RPS6KA6: variants seen among roughly 807,000 people sequenced by gnomAD.
The protein encoded by RPS6KA6 is ribosomal protein S6 kinase A6.
A neutral mutation model predicts 65.4 loss-of-function variants in RPS6KA6; 27 were observed. That is an observed-to-expected ratio of 0.41 (90% CI 0.30 to 0.57). RPS6KA6 has a LOEUF of 0.57. RPS6KA6 is among the 20% of genes least tolerant of loss of function. RPS6KA6 has a pLI of 0.24. For synonymous variants in RPS6KA6, 190 were observed against 184.2 expected, an observed-to-expected ratio of 1.03 and a Z score of -0.26; for missense variants, 486 against 555.6, an observed-to-expected ratio of 0.87 and a Z score of 1.26.
intron 20 of RPS6KA6, among the ~76,000 whole-genome samples, chrX:84,075,986 G>A (rs1465649335): frequency 8.9e-6 from 1 of 111,850 alleles, no homozygotes; most frequent in Admixed American, 9.5e-5. Flanking sequence ...ATAGACATCA[G>A]TATAGATTAC....
chrX:84,082,719 A>T (rs1371386662), intron 20 of RPS6KA6, among the ~76,000 whole-genome samples: 2 of 111,847 alleles, frequency 1.8e-5, no homozygotes, highest in Non-Finnish European at 3.8e-5. Context: ...ACAGTAACCA[A>T]AACAGCATGG....
In RPS6KA6 at chrX:84,116,383, T is replaced by G. The variant is rs184348942; in HGVS notation, c.950-96A>C. 5 of 388,627 alleles carry G rather than the reference T, an allele frequency of 1.3e-5. No individual in the cohort carries two copies. The African/African-American group carries it at 1.3e-4, about 10-fold the overall frequency. 32.0% of individuals were successfully genotyped at this position (388,627 alleles called of 1,213,427 possible). On this transcript the variant is annotated intron_variant, in intron 11 of 21. Transcript: ENST00000262752. ...TATCTGTAAACAGGAATACACATAT[T>G]TCATACATTCCTTGAAAAGAAAAAT...
chrX:84,141,586 T>C (rs1009588261), intron 6 of RPS6KA6, among the ~76,000 whole-genome samples: 2 of 110,828 alleles, frequency 1.8e-5, no homozygotes, highest in Non-Finnish European at 3.8e-5. Context: ...GACTCTCAGA[T>C]TGGATTAAAA....
Position 84,102,213 on chromosome X carries a change from A to C in RPS6KA6, c.1615-15T>G. 1 of 926,610 alleles carries C rather than the reference A, an allele frequency of 1.1e-6. No homozygotes were observed. The highest frequency in any genetic ancestry group is 1.4e-6 in the Non-Finnish European group (1 of 690,372). 76.4% of individuals were successfully genotyped at this position (926,610 alleles called of 1,213,427 possible). On this transcript the variant is annotated splice_polypyrimidine_tract_variant and intron_variant, in intron 17 of 21. Coordinates refer to ENST00000262752, the MANE Select transcript of RPS6KA6 (RefSeq NM_014496.5). ...CGATGAACAACCTTGAATATAAAGG[A>C]AAAAAGCATTATATCTATATAATTA... is the stretch of plus-strand genomic sequence containing the variant.
chrX:84,103,857 C>A (rs2034304283), intron 17 of RPS6KA6, among the ~76,000 whole-genome samples: 1 of 110,924 alleles, frequency 9.0e-6, no homozygotes, highest in Admixed American at 9.6e-5. Flanking sequence ...TCTAAATTGC[C>A]ATTTTAAATT....
chrX:84,083,508 G>T (rs963922810), intron 20 of RPS6KA6, among the ~76,000 whole-genome samples: 1 of 112,027 alleles, frequency 8.9e-6, no homozygotes, highest in Non-Finnish European at 1.9e-5. Context: ...GAGTTAGTTT[G>T]CTAAAAATAA....
rs751495326 is a variant in RPS6KA6 at position 84,161,549 on chromosome X, A to T, written c.141+2779T>A. ...AGGCTAAATGTGCATCAGAATAGAAAGACAAATAGAGGAAAAAAAAATCCA... is the reference window on the plus strand; with the variant it reads ...AGGCTAAATGTGCATCAGAATAGAATGACAAATAGAGGAAAAAAAAATCCA... On this transcript the variant is annotated intron_variant, in intron 2 of 21. Coordinates refer to ENST00000262752, the MANE Select transcript of RPS6KA6 (RefSeq NM_014496.5). Among the ~76,000 whole-genome samples the T allele has an allele frequency of 9.9e-5, 11 of 111,661 alleles. No homozygotes were observed. In the South Asian group the frequency reaches 3.8e-3, roughly 38 times the overall value.
chrX:84,136,315 T>TTATG (rs2034991040), intron 6 of RPS6KA6, among the ~76,000 whole-genome samples: 1 of 111,650 alleles, frequency 9.0e-6, no homozygotes, highest in Admixed American at 9.5e-5. Context: ...TACAACCTGC[T>TTATG]TGCCCATTTA....
chrX:84,122,390 GAC>G (rs1380502445), intron 8 of RPS6KA6, among the ~76,000 whole-genome samples: 2 of 48,971 alleles, frequency 4.1e-5, no homozygotes, highest in African/African-American at 1.9e-4. Flanking sequence ...TTTTTTTTGA[GAC>G]AGAGTCTTGC....
rs1431310629 is a variant in RPS6KA6, at chrX:84,137,393, A to G, written c.502-2183T>C. On this transcript the variant is annotated intron_variant, in intron 6 of 21. Transcript: ENST00000262752. ...TTTAGGTTATTTCCATTTTTTCTCT[A>G]TTTGAAATAACTCTGCAATATGCAT... is the stretch of plus-strand genomic sequence containing the variant. Among the ~76,000 whole-genome samples the G allele has an allele frequency of 2.7e-5, 3 of 111,594 alleles. No homozygotes were observed. In the South Asian group the frequency reaches 1.1e-3, roughly 41 times the overall value.
intron 8 of RPS6KA6, among the ~76,000 whole-genome samples, chrX:84,123,015 G>A (rs2034708433): frequency 8.9e-6 from 1 of 111,999 alleles, no homozygotes; most frequent in African/African-American, 3.3e-5. Flanking sequence ...GCCATAGTAG[G>A]ACAGGACACT....
intron 20 of RPS6KA6, among the ~76,000 whole-genome samples, chrX:84,067,082 T>G: frequency 9.0e-6 from 1 of 111,257 alleles, no homozygotes; most frequent in Non-Finnish European, 1.9e-5. Context: ...AACTTCAACA[T>G]CAACAAAAAT....
At chrX:84,113,864 T>C (rs2034515701) in intron 12 of RPS6KA6, among the ~76,000 whole-genome samples, 1 of 111,502 alleles carries the variant, frequency 9.0e-6, no homozygotes, top group South Asian at 3.8e-4. Context: ...TGATATAATA[T>C]GATACTGAGA....
At chrX:84,158,908 G>A (rs898203311) in intron 2 of RPS6KA6, among the ~76,000 whole-genome samples, 1 of 111,314 alleles carries the variant, frequency 9.0e-6, no homozygotes, top group African/African-American at 3.3e-5. Context: ...ACAGGAAAAC[G>A]TAAGCATGTG....
chrX:84,182,813 G>T (rs1261347440), intron 1 of RPS6KA6, among the ~76,000 whole-genome samples: 1 of 111,764 alleles, frequency 8.9e-6, no homozygotes, highest in Non-Finnish European at 1.9e-5. Context: ...TGAAAGCATA[G>T]AAAAAATACA....
At chrX:84,064,808 TAAAGTAAGCTAAGAAA>T (rs1168676524) in intron 21 of RPS6KA6, among the ~76,000 whole-genome samples, 147 bp downstream of exon 21, 2 of 111,720 alleles carry the variant, frequency 1.8e-5, no homozygotes, top group Non-Finnish European at 3.8e-5. Context: ...AAGGCAGTAG[TAAAGTAAGCTAAGAAA>T]AGTACATGGT....
rs1409766840 is a variant in RPS6KA6, at chrX:84,102,183, G to C, written c.1630C>G (p.Leu544Val). 5 of 1,115,097 alleles carry C rather than the reference G, an allele frequency of 4.5e-6. No individual in the cohort carries two copies. In the South Asian group the frequency reaches 9.0e-5, roughly 20 times the overall value. The allele number at this position is 1,115,097 out of a possible 1,213,427, so 91.9% of individuals were successfully genotyped here. A position where few individuals can be genotyped will look rare whatever the true frequency, so the allele number is the denominator to read the frequency against. ...LHCQGVVHRD[L>V]KPSNILYMDE... ...ATGTATAAAATATTACTAGGTTTAAGATCACGATGAACAACCTTGAATATA... is the reference window on the plus strand; with the variant it reads ...ATGTATAAAATATTACTAGGTTTAACATCACGATGAACAACCTTGAATATA... Residue 544 changes from leucine (L) to valine (V), a missense_variant, in exon 18 of 22, where the codon CTT (leucine) becomes GTT (valine). Leu to Val is a conservative substitution (Grantham distance 32). Around this residue, in one of 3 missense-constraint regions of RPS6KA6, gnomAD observed 345 missense variants for 375.0 expected, o/e 0.92. Coordinates refer to ENST00000262752, the MANE Select transcript of RPS6KA6 (RefSeq NM_014496.5).
In RPS6KA6 at chrX:84,142,921, T is replaced by C. The variant is rs769649835; in HGVS notation, c.501+2557A>G. The stretch of plus-strand genomic sequence containing the variant: ...CAATCATTTAAGGGCAATTTATCAT[T>C]GAATCTACATAAACTTTCCCAGAAA... On this transcript the variant is annotated intron_variant, in intron 6 of 21. Transcript: ENST00000262752. Among the ~76,000 whole-genome samples the C allele has an allele frequency of 3.6e-5, 4 of 111,061 alleles. No individual in the cohort carries two copies. The East Asian group carries it at 1.1e-3, about 31-fold the overall frequency.
chrX:84,119,839 A>G (rs1216720277), intron 9 of RPS6KA6, 46 bp downstream of exon 9: 7 of 1,031,974 alleles, frequency 6.8e-6, no homozygotes, highest in Non-Finnish European at 7.7e-6. Flanking sequence ...ATTATAAGTA[A>G]TATCAATCAC....
Sources: allele counts gnomAD v4.1 joint callset (sites outside exome capture counted in the v4.1 genomes callset), GRCh38; gene constraint gnomAD v4.1.1; regional missense constraint gnomAD v4.1.1; transcripts MANE v1.5; gene names NCBI Gene and HGNC (gene_info 2026-07-23, HGNC 2026-07-21).